POFUT1: variants seen among roughly 807,000 people sequenced by gnomAD.
The protein encoded by POFUT1 is protein O-fucosyltransferase 1.
In POFUT1, 16 loss-of-function variants were observed where a neutral mutation model predicts 42.4. The observed-to-expected ratio is 0.38, with a 90% confidence interval of 0.26 to 0.57. The LOEUF (loss-of-function observed/expected upper bound fraction) is 0.57, where lower values mean the gene tolerates loss of function less well. Ranked by LOEUF, POFUT1 falls within the 20% of genes least tolerant of loss-of-function variation. POFUT1 has a pLI of 0.71. For synonymous variants in POFUT1, 206 were observed against 205.4 expected (o/e 1.00, Z -0.03); for missense variants, 470 against 504.6 (o/e 0.93, Z 0.66).
chr20:32,224,282 C>T (rs569983864), intron 4 of POFUT1, among the ~76,000 whole-genome samples: 4 of 152,150 alleles, frequency 2.6e-5, no homozygotes, highest in South Asian at 4.1e-4. Flanking sequence ...ATCCCAGCTA[C>T]GCAGGAGGCT....
At chr20:32,230,423 G>A (rs572069152) in intron 5 of POFUT1, among the ~76,000 whole-genome samples, 4 of 149,958 alleles carry the variant, frequency 2.7e-5, no homozygotes, top group Admixed American at 6.7e-5. Context: ...GGCCAGGCAC[G>A]GCTGCTCATG....
intron 5 of POFUT1, among the ~76,000 whole-genome samples, chr20:32,228,784 G>T (rs567488118): frequency 6.6e-6 from 1 of 152,344 alleles, no homozygotes; most frequent in South Asian, 2.1e-4. Context: ...TGTCTGGCTG[G>T]TAGACTCCGT....
intron 6 of POFUT1, among the ~76,000 whole-genome samples, chr20:32,232,058 T>C (rs1161095585): frequency 6.6e-6 from 1 of 152,196 alleles, no homozygotes. Flanking sequence ...AGGCAGACAC[T>C]GGGTACCGCT....
At chr20:32,220,844 A>G (rs1417462746) in intron 4 of POFUT1, among the ~76,000 whole-genome samples, 1 of 152,084 alleles carries the variant, frequency 6.6e-6, no homozygotes, top group African/African-American at 2.4e-5. Context: ...GGCCACCAAG[A>G]AGCATGTATA....
Position 32,226,821 on chromosome 20 carries a change from C to T in POFUT1, c.543-1442C>T, listed in dbSNP as rs2047417034. ...GTTCATATTCCATGATACAGAGGTA[C>T]AGCAGTTTGTTTAACTGTTTACTTG... On this transcript the variant is annotated intron_variant, in intron 4 of 6. Transcript: ENST00000375749. Among the ~76,000 whole-genome samples, 3 of 152,038 alleles carry T rather than the reference C, an allele frequency of 2.0e-5. No individual in the cohort carries two copies. The South Asian group carries it at 6.2e-4, about 32-fold the overall frequency.
chr20:32,231,930 A>G (rs1040247285), intron 6 of POFUT1, among the ~76,000 whole-genome samples: 4 of 152,264 alleles, frequency 2.6e-5, no homozygotes, highest in African/African-American at 9.6e-5. Context: ...TATATCAGTG[A>G]AGAGTAATAC....
At chr20:32,217,775 A>G (rs1466363666) in intron 4 of POFUT1, 49 of 975,254 alleles carry the variant, frequency 5.0e-5, no homozygotes, top group Admixed American at 6.2e-5. Flanking sequence ...GAGATAGTTC[A>G]TGAAGTGGGT....
intron 2 of POFUT1, among the ~76,000 whole-genome samples, chr20:32,214,798 C>T (rs192771195): frequency 6.6e-6 from 1 of 152,194 alleles, no homozygotes; most frequent in Non-Finnish European, 1.5e-5. Context: ...AGTTTGCAGA[C>T]TCTCCTGCTA....
chr20:32,236,208 C>G lies in POFUT1; in HGVS notation c.*1547C>G, dbSNP rs990580962. The G allele has an allele frequency of 8.5e-5, 13 of 152,250 alleles. No homozygotes were observed. Among genetic ancestry groups the G allele is most frequent in the Non-Finnish European group, 1.6e-4 (11 of 68,082 alleles). 9.4% of individuals were successfully genotyped at this position (152,250 alleles called of 1,614,324 possible). A position where few individuals can be genotyped will look rare whatever the true frequency, so the allele number is the denominator to read the frequency against. On this transcript the variant is annotated 3_prime_UTR_variant, in exon 7 of 7. Transcript: ENST00000375749. Reference sequence around the variant, plus strand: ...AGAAGGAGCTGCAGATGAGGGAGCCCGTACACTCCCTGCCACCACTAGGTT... The same window carrying G: ...AGAAGGAGCTGCAGATGAGGGAGCCGGTACACTCCCTGCCACCACTAGGTT...
intron 4 of POFUT1, among the ~76,000 whole-genome samples, chr20:32,226,775 T>G (rs964213439): frequency 1.3e-5 from 2 of 152,138 alleles, no homozygotes. Flanking sequence ...GTATTGATAC[T>G]GTGTTCCTTT....
In POFUT1 at chr20:32,216,735, G is replaced by A; in HGVS notation, c.542+14G>A. ...ATGGAGCCAGAGGTACTTGGAGGGGGTAGCGTTTCTGGGTTTAGGGGAGGC... is the reference window on the plus strand; with the variant it reads ...ATGGAGCCAGAGGTACTTGGAGGGGATAGCGTTTCTGGGTTTAGGGGAGGC... On this transcript the variant is annotated intron_variant, in intron 4 of 6. Transcript: ENST00000375749. 1 of 1,571,494 alleles carries A rather than the reference G, an allele frequency of 6.4e-7. No individual in the cohort carries two copies. Among genetic ancestry groups the A allele is most frequent in the Non-Finnish European group, 8.8e-7 (1 of 1,141,220 alleles).
chr20:32,232,730 T>A (rs1367462920), intron 6 of POFUT1, among the ~76,000 whole-genome samples: 4 of 151,846 alleles, frequency 2.6e-5, no homozygotes, highest in Admixed American at 2.6e-4. Flanking sequence ...CCAGGGAGTT[T>A]TTTTGTGAGT....
At chr20:32,212,238 G>A (rs1337897663) in intron 2 of POFUT1, among the ~76,000 whole-genome samples, 1 of 151,888 alleles carries the variant, frequency 6.6e-6, no homozygotes, top group East Asian at 1.9e-4. Flanking sequence ...CTGTGGCCCA[G>A]ACTCAGACTC....
intron 2 of POFUT1, among the ~76,000 whole-genome samples, chr20:32,210,864 A>G (rs143287546): frequency 1.7e-4 from 26 of 152,378 alleles, no homozygotes; most frequent in African/African-American, 5.5e-4. Flanking sequence ...ATAATTTTCC[A>G]ATAGACATCA....
intron 2 of POFUT1, among the ~76,000 whole-genome samples, chr20:32,211,035 A>G (rs1251666399): frequency 1.3e-5 from 2 of 152,182 alleles, no homozygotes; most frequent in Admixed American, 1.3e-4. Context: ...GGTTCTTACT[A>G]GTTGCATGGC....
chr20:32,228,611 T>C (rs1569160588), intron 5 of POFUT1, among the ~76,000 whole-genome samples, 156 bp downstream of exon 5: 1 of 152,232 alleles, frequency 6.6e-6, no homozygotes, highest in Non-Finnish European at 1.5e-5. Flanking sequence ...GCAGCACATA[T>C]CAAAATGTAA....
chr20:32,229,775 A>G (rs1047082098), intron 5 of POFUT1, among the ~76,000 whole-genome samples: 15 of 151,584 alleles, frequency 9.9e-5, no homozygotes, highest in East Asian at 1.9e-4. Flanking sequence ...TCCTCCTTCA[A>G]TGCTTTTTTT....
At chr20:32,221,775 G>T (rs2047392209) in intron 4 of POFUT1, among the ~76,000 whole-genome samples, 1 of 151,832 alleles carries the variant, frequency 6.6e-6, no homozygotes, top group Non-Finnish European at 1.5e-5. Flanking sequence ...AAGTTCCAGG[G>T]GCTCAATTCT....
intron 4 of POFUT1, among the ~76,000 whole-genome samples, chr20:32,223,957 T>C (rs543477563): frequency 1.3e-5 from 2 of 152,310 alleles, no homozygotes; most frequent in East Asian, 3.9e-4. Flanking sequence ...TTTCCTCACC[T>C]GTAAAATGAG....
Sources: gnomAD v4.1 joint callset for allele counts (sites outside exome capture counted in the v4.1 genomes callset) on GRCh38, gnomAD v4.1.1 for gene constraint, MANE v1.5 for transcripts, NCBI Gene and HGNC (gene_info 2026-07-23, HGNC 2026-07-21) for gene names.